Variants in NOVA1 observed in about 807,000 individuals in gnomAD.
The protein encoded by NOVA1 is NOVA alternative splicing regulator 1.
NOVA1 carries 7 observed loss-of-function variants against 38.0 expected under a neutral mutation model. The ratio of observed to expected loss-of-function variants is 0.18; its 90% CI spans 0.10 to 0.35. The LOEUF (loss-of-function observed/expected upper bound fraction) is 0.35, where lower values mean the gene tolerates loss of function less well. Among genes scored for constraint, NOVA1 ranks in the 10% least tolerant of loss-of-function variants. The pLI, the probability that NOVA1 is intolerant of heterozygous loss-of-function variation, is 1.00. For synonymous variants in NOVA1, 270 were observed against 232.5 expected (o/e 1.16, Z -1.47); for missense variants, 460 against 616.0 (o/e 0.75, Z 2.68).
At chr14:26,453,053 C>T (rs1309597959) in intron 4 of NOVA1, among the ~76,000 whole-genome samples, 9 of 152,062 alleles carry the variant, frequency 5.9e-5, no homozygotes, top group Non-Finnish European at 1.3e-4. Context: ...ATGGTCTTTA[C>T]ACTCTTTTTT....
At chr14:26,577,140 T>A (rs1892908732) in intron 2 of NOVA1, among the ~76,000 whole-genome samples, 1 of 152,096 alleles carries the variant, frequency 6.6e-6, no homozygotes, top group Admixed American at 6.5e-5. Flanking sequence ...TCATTTGGCA[T>A]AATATACTCC....
chr14:26,583,716 T>C (rs1385337497), intron 2 of NOVA1, among the ~76,000 whole-genome samples: 3 of 151,486 alleles, frequency 2.0e-5, no homozygotes, highest in African/African-American at 7.2e-5. Context: ...GAAATACTTA[T>C]AAATGATGAA....
chr14:26,587,427 A>C (rs1893592954), intron 2 of NOVA1, among the ~76,000 whole-genome samples: 1 of 151,160 alleles, frequency 6.6e-6, no homozygotes, highest in African/African-American at 2.4e-5. Flanking sequence ...AATTCTAAGT[A>C]ATGATTACCA....
intron 3 of NOVA1, chr14:26,478,913 A>C (rs1885209779): frequency 6.6e-6 from 1 of 151,878 alleles, no homozygotes; most frequent in Non-Finnish European, 1.5e-5. Context: ...TATAATTTGA[A>C]AATATATTGC....
At chr14:26,518,847 T>G (rs1594451512) in intron 2 of NOVA1, among the ~76,000 whole-genome samples, 1 of 152,058 alleles carries the variant, frequency 6.6e-6, no homozygotes, top group African/African-American at 2.4e-5. Context: ...ATACAAATGA[T>G]CTCTAGTTTT....
chr14:26,574,268 CCCCCCCCCCCCCG>C (rs1892682542), intron 2 of NOVA1, among the ~76,000 whole-genome samples: 1 of 46,908 alleles, frequency 2.1e-5, no homozygotes, highest in Non-Finnish European at 3.8e-5. Context: ...TCGTGATCCA[CCCCCCCCCCCCCG>C]CCCCCTCGGC....
At chr14:26,488,759 AAT>A (rs1312492404) in intron 2 of NOVA1, among the ~76,000 whole-genome samples, 3 of 152,094 alleles carry the variant, frequency 2.0e-5, no homozygotes, top group African/African-American at 7.2e-5. Flanking sequence ...GTACATAATA[AAT>A]AGAGATTTGC....
At chr14:26,543,168 C>A (rs1281998292) in intron 2 of NOVA1, among the ~76,000 whole-genome samples, 2 of 151,820 alleles carry the variant, frequency 1.3e-5, no homozygotes, top group Non-Finnish European at 1.5e-5. Context: ...ATATGTACAA[C>A]TATTAGGTAT....
At chr14:26,539,881 C>T (rs1180202963) in intron 2 of NOVA1, among the ~76,000 whole-genome samples, 2 of 149,936 alleles carry the variant, frequency 1.3e-5, no homozygotes, top group Non-Finnish European at 3.0e-5. Flanking sequence ...AAAAAAAAAA[C>T]AAGCTATCTC....
At chr14:26,458,939 TA>T (rs151316428) in intron 4 of NOVA1, among the ~76,000 whole-genome samples, 4 of 152,086 alleles carry the variant, frequency 2.6e-5, no homozygotes, top group Non-Finnish European at 5.9e-5. Context: ...GTAAAAACAT[TA>T]AAAAATATAC....
intron 4 of NOVA1, chr14:26,470,213 A>G: frequency 9.6e-7 from 1 of 1,041,420 alleles, no homozygotes; most frequent in Non-Finnish European, 1.3e-6. Flanking sequence ...ATTAAAACCT[A>G]TTTTCTTATC....
rs1594319584 is a variant in NOVA1 at position 26,453,302 on chromosome 14, G to A, written c.520-4339C>T. Among the ~76,000 whole-genome samples, 4 of 152,016 alleles carry A rather than the reference G, an allele frequency of 2.6e-5. 1 individual carries two copies. The South Asian group carries it at 8.3e-4, about 32-fold the overall frequency. ...AGCTCACTGCAGCCTCGAACTCCTG[G>A]GCTGAAGCGATCCACCTGGTTCAGC... On this transcript the variant is annotated intron_variant, in intron 4 of 4. Coordinates refer to ENST00000539517, the MANE Select transcript of NOVA1 (RefSeq NM_002515.3).
rs111412549 is a variant in NOVA1 at position 26,590,585 on chromosome 14, T to C, written c.280+4825A>G. 3.4e-3 allele frequency among the ~76,000 whole-genome samples: 524 copies of C among 151,946 alleles called. 2 individuals carry two copies. Among genetic ancestry groups the C allele is most frequent in the Non-Finnish European group, 5.6e-3 (381 of 67,776 alleles). ...CAAAAAACTCCCAAACAATACAACA[T>C]AAAATACATAAGTTTTTCACTGATG... On this transcript the variant is annotated intron_variant, in intron 2 of 4. Transcript: ENST00000539517.
chr14:26,450,390 C>G (rs1882563870), intron 4 of NOVA1, among the ~76,000 whole-genome samples: 1 of 151,872 alleles, frequency 6.6e-6, no homozygotes, highest in African/African-American at 2.4e-5. Flanking sequence ...AATACACACA[C>G]ACACACACAC....
intron 2 of NOVA1, among the ~76,000 whole-genome samples, chr14:26,542,959 A>G (rs1266199152): frequency 1.3e-5 from 2 of 151,962 alleles, no homozygotes; most frequent in Non-Finnish European, 2.9e-5. Flanking sequence ...AAAACCTAAA[A>G]TAAATTTGCC....
intron 2 of NOVA1, among the ~76,000 whole-genome samples, chr14:26,591,060 T>C (rs1893813804): frequency 6.6e-6 from 1 of 151,746 alleles, no homozygotes; most frequent in Admixed American, 6.6e-5. Context: ...AATTGTATCT[T>C]TTGGAAACTG....
chr14:26,490,295 G>A (rs1328779758), intron 2 of NOVA1, among the ~76,000 whole-genome samples: 1 of 152,066 alleles, frequency 6.6e-6, no homozygotes, highest in Non-Finnish European at 1.5e-5. Context: ...TTTGGCTATT[G>A]TGAATACTGC....
In NOVA1 at chr14:26,448,994, A is replaced by G; in HGVS notation, c.520-31T>C. On this transcript the variant is annotated intron_variant, in intron 4 of 4. Coordinates refer to ENST00000539517, the MANE Select transcript of NOVA1 (RefSeq NM_002515.3). This position sits in a 1 kb window ranked among gnomAD's most constrained non-coding sequence, Gnocchi z 5.3. ...ATTAAAAAAAATACGTATAAATAAT[A>G]CTTCTGTTTTGTGCATATACATTAT... The G allele has an allele frequency of 1.9e-6, 3 of 1,557,766 alleles. No homozygotes were observed. Among genetic ancestry groups the G allele is most frequent in the Non-Finnish European group, 2.6e-6 (3 of 1,149,136 alleles).
intron 2 of NOVA1, among the ~76,000 whole-genome samples, chr14:26,496,046 G>A (rs1886754327): frequency 7.0e-6 from 1 of 142,850 alleles, no homozygotes; most frequent in East Asian, 2.0e-4. Context: ...GGTATTTCTA[G>A]TTCTAGATCC....
Sources: gnomAD v4.1 joint callset for allele counts (sites outside exome capture counted in the v4.1 genomes callset) on GRCh38, gnomAD v4.1.1 for gene constraint, Gnocchi (gnomAD v3.1) non-coding constraint, MANE v1.5 for transcripts, NCBI Gene and HGNC (gene_info 2026-07-23, HGNC 2026-07-21) for gene names.